Variants in DNAH2 observed in about 807,000 individuals in gnomAD.
DNAH2 encodes axonemal beta dynein heavy chain 2.
A neutral mutation model predicts 523.5 loss-of-function variants in DNAH2; 323 were observed. That is an observed-to-expected ratio of 0.62 (90% CI 0.56 to 0.68). The LOEUF is 0.68. Among genes scored for constraint, DNAH2 ranks in the 30% least tolerant of loss-of-function variants. DNAH2 has a pLI of 0.00. For missense variants in DNAH2, 4,907 were observed against 5,701.5 expected, an observed-to-expected ratio of 0.86 and a Z score of 4.49; for synonymous variants, 2,093 against 2,177.4, an observed-to-expected ratio of 0.96 and a Z score of 1.08.
intron 58 of DNAH2, 93 bp from the exon 59 acceptor site, chr17:7,804,163 G>T: frequency 7.6e-7 from 1 of 1,314,082 alleles, no homozygotes. Context: ...AAAGGAAGGC[G>T]GACTCGAGAC....
chr17:7,770,463 C>A, intron 25 of DNAH2, 55 bp downstream of exon 25: 1 of 1,613,054 alleles, frequency 6.2e-7, no homozygotes, highest in Admixed American at 1.7e-5. Flanking sequence ...GGAGCACAGG[C>A]TCCAGCTGTT....
Position 7,759,897 on chromosome 17 carries a change from C to T in DNAH2, c.2744C>T (p.Thr915Ile). 6.2e-7 allele frequency: 1 copy of T among 1,614,216 alleles called. No homozygotes were observed. Among genetic ancestry groups the T allele is most frequent in the Non-Finnish European group, 8.5e-7 (1 of 1,180,048 alleles). Reference protein sequence around the residue: ...SVFCHLPDILTKRKLHREPIQ... With the variant: ...SVFCHLPDILIKRKLHREPIQ... ...TTCTGCCACCTCCCTGACATTCTCA[C>T]CAAGCGCAAGTTACATCGTGAACCC... Residue 915 changes from threonine (T) to isoleucine (I), a missense_variant, in exon 17 of 86, where the codon ACC becomes ATC. Thr to Ile is a moderately conservative substitution (Grantham distance 89). Around this residue, in one of 3 missense-constraint regions of DNAH2, gnomAD observed 2,806 missense variants for 3,190.8 expected, o/e 0.88. Transcript: ENST00000572933.
intron 45 of DNAH2, 47 bp downstream of exon 45, chr17:7,792,116 C>T: frequency 1.2e-6 from 2 of 1,608,004 alleles, no homozygotes; most frequent in South Asian, 2.2e-5. Flanking sequence ...TTTCCAGACC[C>T]CCTGGGCATC....
Position 7,832,885 on chromosome 17 carries a change from T to A in DNAH2, c.12935T>A (p.Ile4312Asn). 1 of 1,614,242 alleles carries A rather than the reference T, an allele frequency of 6.2e-7. No homozygotes were observed. Among genetic ancestry groups the A allele is most frequent in the South Asian group, 1.1e-5 (1 of 91,086 alleles). The stretch of plus-strand genomic sequence containing the variant: ...GTGGACAGCCTCTCCTGGGAGTTTA[T>A]CGTTTCCACTGTGGATGACAGCAAC... ...VSVDSLSWEF[I>N]VSTVDDSNLV... Residue 4312 changes from isoleucine (I) to asparagine (N), a missense_variant, in exon 84 of 86, where the codon ATC becomes AAC. Coordinates refer to ENST00000572933, the MANE Select transcript of DNAH2 (RefSeq NM_020877.5). This position sits in a 1 kb window ranked among gnomAD's most constrained non-coding sequence, Gnocchi z 4.3.
rs762993167 is a variant in DNAH2 at position 7,831,362 on chromosome 17, C to T, written c.12460-28C>T. The stretch of plus-strand genomic sequence containing the variant: ...GAGGGAAAGTGATGAGAAGAGGGGG[C>T]TACACTCAAGAGCTCCTGCCTGCTC... On this transcript the variant is annotated intron_variant, in intron 80 of 85. Transcript: ENST00000572933. The surrounding 1 kb of genome is among the most constrained non-coding windows in gnomAD (Gnocchi z 4.2). 3.7e-6 allele frequency: 6 copies of T among 1,613,990 alleles called. No individual in the cohort carries two copies. In the South Asian group the frequency reaches 4.4e-5, roughly 12 times the overall value.
At chr17:7,766,266 G>A in intron 21 of DNAH2, 52 bp from the exon 22 acceptor site, 2 of 1,587,346 alleles carry the variant, frequency 1.3e-6, no homozygotes, top group East Asian at 2.3e-5. Context: ...AGCCATGGCT[G>A]TCCTTGCCAG....
In DNAH2 at chr17:7,768,064, G is replaced by T; in HGVS notation, c.3837+3G>T. On this transcript the variant is annotated splice_donor_region_variant and intron_variant, in intron 23 of 85. Transcript: ENST00000572933. ...CAAAATTAGCCAAAGAGTATAAGGTGGGGAGAAACGGCGGGGAGGCGGAAG... is the reference window on the plus strand; with the variant it reads ...CAAAATTAGCCAAAGAGTATAAGGTTGGGAGAAACGGCGGGGAGGCGGAAG... The T allele has an allele frequency of 1.2e-6, 2 of 1,614,188 alleles. No individual in the cohort carries two copies. Among genetic ancestry groups the T allele is most frequent in the Non-Finnish European group, 1.7e-6 (2 of 1,180,008 alleles).
chr17:7,819,554 A>C, intron 72 of DNAH2, 146 bp downstream of exon 72: 12 of 804,464 alleles, frequency 1.5e-5, no homozygotes, highest in Non-Finnish European at 2.2e-5. Flanking sequence ...CCTCACTCTC[A>C]TGGCTTAACC....
chr17:7,806,743 C>G (rs1349500905), intron 61 of DNAH2, among the ~76,000 whole-genome samples: 1 of 149,254 alleles, frequency 6.7e-6, no homozygotes, highest in Non-Finnish European at 1.5e-5. Context: ...CAGAGGGGAA[C>G]AAGAATCAGA....
intron 12 of DNAH2, among the ~76,000 whole-genome samples, chr17:7,749,305 C>T (rs307619): frequency 0.78 from 36,829 of 47,310 alleles, 13,789 homozygotes; most frequent in East Asian, 0.93. Flanking sequence ...CTAAACTCCC[C>T]CCCAAAAAAA....
At chr17:7,749,265 G>A (rs1383689977) in intron 12 of DNAH2, among the ~76,000 whole-genome samples, 1 of 120,622 alleles carries the variant, frequency 8.3e-6, no homozygotes, top group African/African-American at 3.1e-5. Flanking sequence ...CCGAGATTGC[G>A]CCATTGCACT....
chr17:7,818,430 C>G lies in DNAH2; in HGVS notation c.10506C>G (p.Thr3502=). 6.2e-7 allele frequency: 1 copy of G among 1,614,200 alleles called. No homozygotes were observed. The highest frequency in any genetic ancestry group is 1.1e-5 in the South Asian group (1 of 91,076). The part of the protein sequence containing the change: ...PHYSPETSAK[T]TIVNFAVKEQ... The stretch of plus-strand genomic sequence containing the variant: ...ACAGCCCAGAGACCTCAGCCAAGAC[C>G]ACCATCGTCAACTTTGCTGTTAAAG... Residue 3502 remains threonine (T), a synonymous_variant, in exon 69 of 86, where the codon ACC becomes ACG. Transcript: ENST00000572933.
Position 7,807,046 on chromosome 17 carries a change from A to G in DNAH2, c.9443-104A>G. ...TCAGATAATTTGGCCTTAGGAACTG[A>G]GCCCAGGAAAAATGTGGCTATGCGT... On this transcript the variant is annotated intron_variant, in intron 61 of 85. Coordinates refer to ENST00000572933, the MANE Select transcript of DNAH2 (RefSeq NM_020877.5). This position sits in a 1 kb window ranked among gnomAD's most constrained non-coding sequence, Gnocchi z 5.6. 1 of 1,414,910 alleles carries G rather than the reference A, an allele frequency of 7.1e-7. No individual in the cohort carries two copies. The highest frequency in any genetic ancestry group is 9.6e-7 in the Non-Finnish European group (1 of 1,045,268). 87.6% of individuals were successfully genotyped at this position (1,414,910 alleles called of 1,614,324 possible). A position where few individuals can be genotyped will look rare whatever the true frequency, so the allele number is the denominator to read the frequency against.
Position 7,740,959 on chromosome 17 carries a change from C to T in DNAH2, c.1656C>T (p.His552=). 1 of 1,608,096 alleles carries T rather than the reference C, an allele frequency of 6.2e-7. No homozygotes were observed. Among genetic ancestry groups the T allele is most frequent in the Non-Finnish European group, 8.5e-7 (1 of 1,175,208 alleles). ...ATTCCGGAAAGGCGCGCTGGGTGCA[C>T]ATCCTCCGGCGTCGCATCGACAGAG... ...AQYSGKARWV[H]ILRRRIDRVM... Residue 552 remains histidine, a synonymous_variant, in exon 11 of 86, where the codon CAC becomes CAT. Coordinates refer to ENST00000572933, the MANE Select transcript of DNAH2 (RefSeq NM_020877.5).
Position 7,780,987 on chromosome 17 carries a change from T to C in DNAH2, c.6004-55T>C. The C allele has an allele frequency of 1.2e-6, 2 of 1,611,816 alleles. No individual in the cohort carries two copies. Among genetic ancestry groups the C allele is most frequent in the Non-Finnish European group, 1.7e-6 (2 of 1,179,456 alleles). On this transcript the variant is annotated intron_variant, in intron 38 of 85. Coordinates refer to ENST00000572933, the MANE Select transcript of DNAH2 (RefSeq NM_020877.5). This position sits in a 1 kb window ranked among gnomAD's most constrained non-coding sequence, Gnocchi z 4.4. ...CACGTGCCCCGAAGCCCTTTGGAGG[T>C]GAAAGGCCTAGGCCCTGCCTCCTCA...
chr17:7,779,507 C>A, intron 36 of DNAH2, 84 bp downstream of exon 36: 1 of 1,399,864 alleles, frequency 7.1e-7, no homozygotes, highest in Non-Finnish European at 9.8e-7. Flanking sequence ...TCCTCTTCCC[C>A]CTTCCATGCG....
rs2076143924 is a variant in DNAH2 at position 7,765,579 on chromosome 17, C to T, written c.3511+14C>T. On this transcript the variant is annotated intron_variant, in intron 21 of 85. Transcript: ENST00000572933. ...TCGAATTCAAAGGTACTCCTTGATC[C>T]ACCTCTCCCGCTTCTTTAGCCTTTG... The T allele has an allele frequency of 1.2e-6, 2 of 1,605,820 alleles. No individual in the cohort carries two copies. The highest frequency in any genetic ancestry group is 1.1e-5 in the South Asian group (1 of 89,418).
intron 12 of DNAH2, among the ~76,000 whole-genome samples, chr17:7,744,986 C>G (rs1238062858): frequency 1.3e-5 from 2 of 151,672 alleles, no homozygotes; most frequent in Non-Finnish European, 2.9e-5. Context: ...AATGATCAAT[C>G]TTTACATTTC....
At chr17:7,789,829 C>G (rs866480392) in intron 44 of DNAH2, among the ~76,000 whole-genome samples, 26 of 152,228 alleles carry the variant, frequency 1.7e-4, no homozygotes, top group Admixed American at 1.1e-3. Context: ...CCACCCACCT[C>G]GGCCTCCCAA....
Sources: allele counts gnomAD v4.1 joint callset (sites outside exome capture counted in the v4.1 genomes callset), GRCh38; gene constraint gnomAD v4.1.1; regional missense constraint gnomAD v4.1.1; non-coding constraint Gnocchi (gnomAD v3.1); transcripts MANE v1.5; gene names NCBI Gene and HGNC (gene_info 2026-07-23, HGNC 2026-07-21).